The following ZNF761 variants were observed in gnomAD, a reference collection of about 807,000 sequenced individuals.
ZNF761 encodes the protein zinc finger protein 761.
In ZNF761, 43 loss-of-function variants were observed where a neutral mutation model predicts 59.9. That is an observed-to-expected ratio of 0.72 (90% confidence interval 0.56 to 0.92). The LOEUF (loss-of-function observed/expected upper bound fraction) is 0.92, where lower values mean the gene tolerates loss of function less well. Ranked by LOEUF, ZNF761 falls within the 40% of genes least tolerant of loss-of-function variation. The probability of loss-of-function intolerance (pLI) is 0.00; values close to 1 mark genes in which losing one functional copy is unlikely to be tolerated. For missense variants in ZNF761, 850 were observed against 906.1 expected (o/e 0.94, Z 0.79); for synonymous variants, 294 against 304.8 (o/e 0.96, Z 0.37).
intron 4 of ZNF761, among the ~76,000 whole-genome samples, chr19:53,452,943 TGC>T (rs2086233809): frequency 1.3e-5 from 2 of 152,244 alleles, no homozygotes; most frequent in African/African-American, 2.4e-5. Context: ...GTTTTTATTG[TGC>T]AATTTGATTT....
At chr19:53,443,401 G>T in intron 1 of ZNF761, 1 of 152,690 alleles carries the variant, frequency 6.5e-6, no homozygotes, top group South Asian at 2.0e-4. Flanking sequence ...GGAGTCAAAG[G>T]AATGAGAAAA....
At chr19:53,448,775 ATTTT>A (rs35551715) in intron 3 of ZNF761, among the ~76,000 whole-genome samples, 3 of 125,098 alleles carry the variant, frequency 2.4e-5, no homozygotes, top group African/African-American at 3.0e-5. Context: ...TGGCTAGCTA[ATTTT>A]TTTTTTTTTT....
intron 4 of ZNF761, chr19:53,450,036 G>A (rs2086203576): frequency 7.0e-6 from 3 of 428,328 alleles, no homozygotes; most frequent in Non-Finnish European, 1.2e-5. Context: ...CGGGCTTGGT[G>A]GCTCACGCCT....
In ZNF761 at chr19:53,441,506, G is replaced by A. The variant is rs190430706; in HGVS notation, c.-184-4721G>A. ...CAGTCACCCAGGCTGGAGTGTAGTGGCATGATGTCGGTTCACTGCAACCTC... is the reference window on the plus strand; with the variant it reads ...CAGTCACCCAGGCTGGAGTGTAGTGACATGATGTCGGTTCACTGCAACCTC... On this transcript the variant is annotated intron_variant, in intron 1 of 4. Coordinates refer to ENST00000684525, the MANE Select transcript of ZNF761 (RefSeq NM_001289951.2). Among the ~76,000 whole-genome samples the A allele has an allele frequency of 1.6e-3, 242 of 150,424 alleles. 3 individuals carry two copies. The East Asian group carries it at 0.03, about 19-fold the overall frequency.
chr19:53,444,059 A>G (rs2086128531), intron 1 of ZNF761: 1 of 152,394 alleles, frequency 6.6e-6, no homozygotes, highest in Middle Eastern at 3.2e-3. Flanking sequence ...AAGGGACACA[A>G]TGCACTGCAG....
At chr19:53,441,791 C>T in intron 1 of ZNF761, 1 of 1,045,084 alleles carries the variant, frequency 9.6e-7, no homozygotes. Context: ...AATTCATAAT[C>T]ACAGAGAGGA....
At chr19:53,453,395 G>C (rs1446788604) in intron 4 of ZNF761, among the ~76,000 whole-genome samples, 1 of 152,264 alleles carries the variant, frequency 6.6e-6, no homozygotes, top group African/African-American at 2.4e-5. Flanking sequence ...TTGTGTGCTG[G>C]TTGTAAGTAG....
chr19:53,454,437 C>T (rs573606705), intron 4 of ZNF761, among the ~76,000 whole-genome samples: 2 of 152,140 alleles, frequency 1.3e-5, no homozygotes, highest in African/African-American at 2.4e-5. Flanking sequence ...TGTTTTGTCA[C>T]GATCTTGGAA....
rs1006299504 is a variant in ZNF761 at position 53,442,319 on chromosome 19, T to C, written c.-184-3908T>C. Reference sequence around the variant, plus strand: ...AACGAGCTGAGCTGGCAGAGTCCCGTTGCTGAGAGATGGATGAGCAGATCA... The same window carrying C: ...AACGAGCTGAGCTGGCAGAGTCCCGCTGCTGAGAGATGGATGAGCAGATCA... On this transcript the variant is annotated intron_variant, in intron 1 of 4. Transcript: ENST00000684525. 4.1e-6 allele frequency: 5 copies of C among 1,209,466 alleles called. No homozygotes were observed. In the Admixed American group the frequency reaches 6.8e-5, roughly 16 times the overall value. The allele number at this position is 1,209,466 out of a possible 1,614,324, so 74.9% of individuals were successfully genotyped here. A position where few individuals can be genotyped will look rare whatever the true frequency, so the allele number is the denominator to read the frequency against.
In ZNF761 at chr19:53,457,607, A is replaced by G. The variant is rs531212204; in HGVS notation, c.*859A>G. ...GAGTAGAGCAAACCATCAAGCATTA[A>G]TTGACATTAGGGTCAATTCAGCATT... On this transcript the variant is annotated 3_prime_UTR_variant, in exon 5 of 5. Transcript: ENST00000684525. 17 of 278,618 alleles carry G rather than the reference A, an allele frequency of 6.1e-5. No homozygotes were observed. The South Asian group carries it at 6.6e-4, about 11-fold the overall frequency. The allele number at this position is 278,618 out of a possible 1,614,324, so 17.3% of individuals were successfully genotyped here. A position where few individuals can be genotyped will look rare whatever the true frequency, so the allele number is the denominator to read the frequency against.
intron 1 of ZNF761, among the ~76,000 whole-genome samples, chr19:53,434,649 G>A (rs546960463): frequency 1.8e-4 from 28 of 152,260 alleles, no homozygotes; most frequent in African/African-American, 6.0e-4. Context: ...CTTTTCCTTA[G>A]TGAGCAACCC....
intron 4 of ZNF761, among the ~76,000 whole-genome samples, chr19:53,451,199 C>T (rs2086218616): frequency 6.6e-6 from 1 of 152,012 alleles, no homozygotes; most frequent in Non-Finnish European, 1.5e-5. Context: ...CTTTTATTTG[C>T]CTGTTCATTT....
chr19:53,455,397 C>T lies in ZNF761; in HGVS notation c.890C>T (p.Pro297Leu). 1 of 1,613,950 alleles carries T rather than the reference C, an allele frequency of 6.2e-7. No individual in the cohort carries two copies. ...CGTAGACTTCATACTGGAGAGAAACCTTACAAATGTGAAGAATGTGACAAA... is the reference window on the plus strand; with the variant it reads ...CGTAGACTTCATACTGGAGAGAAACTTTACAAATGTGAAGAATGTGACAAA... ...CHRRLHTGEK[P>L]YKCEECDKAF... is the part of the protein sequence containing the mutation. Residue 297 changes from proline to leucine, a missense_variant, in exon 5 of 5, where the codon CCT (proline) becomes CTT (leucine). Pro to Leu is a moderately conservative substitution (Grantham distance 98, BLOSUM62 -3). Transcript: ENST00000684525.
At chr19:53,450,106 C>G (rs1418758254) in intron 4 of ZNF761, 1 of 312,750 alleles carries the variant, frequency 3.2e-6, no homozygotes, top group Admixed American at 4.7e-5. Flanking sequence ...CGATCGAGAC[C>G]AGCCCGGCCA....
At chr19:53,440,149 G>A (rs958957216) in intron 1 of ZNF761, among the ~76,000 whole-genome samples, 14 of 118,340 alleles carry the variant, frequency 1.2e-4, no homozygotes, top group Non-Finnish European at 2.2e-4. Flanking sequence ...AGACCCCCCC[G>A]TCTTGGCCAA....
At position 53,447,261 on chromosome 19, in the gene ZNF761, A is replaced by C; in HGVS notation, c.-8A>C. On this transcript the variant is annotated 5_prime_UTR_variant, in exon 3 of 5. Transcript: ENST00000684525. ...CGGAAGAGGAAGAGGAGAGCAAAGG[A>C]GTCAGGGATGGCTTTTTCTCAGGTG... The C allele has an allele frequency of 6.2e-7, 1 of 1,613,080 alleles. No individual in the cohort carries two copies. The highest frequency in any genetic ancestry group is 1.7e-5 in the Admixed American group (1 of 59,978).
chr19:53,456,790 G>T lies in ZNF761; in HGVS notation c.*42G>T. ...TTTAATCAACAAGCACACCTTGCAG[G>T]TCATCATAGAATTCATACTGGGGAG... On this transcript the variant is annotated 3_prime_UTR_variant, in exon 5 of 5. Coordinates refer to ENST00000684525, the MANE Select transcript of ZNF761 (RefSeq NM_001289951.2). 1 of 1,595,536 alleles carries T rather than the reference G, an allele frequency of 6.3e-7. No homozygotes were observed. The highest frequency in any genetic ancestry group is 8.6e-7 in the Non-Finnish European group (1 of 1,165,606).
intron 4 of ZNF761, chr19:53,450,096 C>A (rs11084255): frequency 0.042 from 13,529 of 320,230 alleles, 484 homozygotes; most frequent in East Asian, 0.15. Flanking sequence ...CGAGGTCAGG[C>A]GATCGAGACC....
Position 53,456,359 on chromosome 19 carries a change from A to C in ZNF761, c.1852A>C (p.Thr618Pro). Residue 618 changes from threonine (T) to proline (P), a missense_variant, in exon 5 of 5, where the codon ACG (threonine) becomes CCG (proline). Thr to Pro is a conservative substitution (Grantham distance 38). Coordinates refer to ENST00000684525, the MANE Select transcript of ZNF761 (RefSeq NM_001289951.2). ...CNECGKTFSRTSSLTCHRRLH... is the reference protein window; with the variant it reads ...CNECGKTFSRPSSLTCHRRLH... ...TGAGTGTGGCAAGACCTTCAGTCGG[A>C]CGTCATCCCTTACATGCCATCGTAG... 1 of 1,613,994 alleles carries C rather than the reference A, an allele frequency of 6.2e-7. No individual in the cohort carries two copies. The highest frequency in any genetic ancestry group is 8.5e-7 in the Non-Finnish European group (1 of 1,179,926).
Sources: allele counts gnomAD v4.1 joint callset (sites outside exome capture counted in the v4.1 genomes callset), GRCh38; gene constraint gnomAD v4.1.1; transcripts MANE v1.5; gene names NCBI Gene and HGNC (gene_info 2026-07-23, HGNC 2026-07-21).